The following MTAP variants were observed in gnomAD, a reference collection of about 807,000 sequenced individuals.
MTAP encodes methylthioadenosine phosphorylase.
MTAP carries 33 observed loss-of-function variants against 33.6 expected under a neutral mutation model. That is an observed-to-expected ratio of 0.98 (90% CI 0.74 to 1.31). MTAP has a LOEUF of 1.31. MTAP is among the 40% of genes most tolerant of loss of function. MTAP has a pLI of 0.00. For missense variants in MTAP, 367 were observed against 360.0 expected, an observed-to-expected ratio of 1.02 and a Z score of -0.16; for synonymous variants, 148 against 125.7, an observed-to-expected ratio of 1.18 and a Z score of -1.19.
chr9:21,911,677 G>A (rs575512255), intron 1 of MTAP, among the ~76,000 whole-genome samples: 15 of 152,158 alleles, frequency 9.9e-5, no homozygotes, highest in African/African-American at 3.4e-4. Flanking sequence ...AGAGAAAGCA[G>A]GAAAGATCTA....
chr9:21,909,780 T>C (rs1818539853), intron 1 of MTAP, among the ~76,000 whole-genome samples: 1 of 152,196 alleles, frequency 6.6e-6, no homozygotes, highest in African/African-American at 2.4e-5. Context: ...GTGTTAACTA[T>C]TTTTATTCTC....
chr9:21,855,879 T>C lies in MTAP; in HGVS notation c.690+1009T>C, dbSNP rs911921634. On this transcript the variant is annotated intron_variant, in intron 6 of 7. Coordinates refer to ENST00000644715, the MANE Select transcript of MTAP (RefSeq NM_002451.4). ...AAGTAAATATTTTCCTAAAAGGTCT[T>C]TTTAAAATTAAGTTATAACCATGCC... Among the ~76,000 whole-genome samples, 3 of 152,176 alleles carry C rather than the reference T, an allele frequency of 2.0e-5. No homozygotes were observed. The East Asian group carries it at 5.8e-4, about 29-fold the overall frequency.
At chr9:21,859,213 G>T (rs949965966) in intron 6 of MTAP, 90 bp from the exon 7 acceptor site, 2 of 1,509,180 alleles carry the variant, frequency 1.3e-6, no homozygotes, top group African/African-American at 2.8e-5. Context: ...AAACATTTAG[G>T]CTGTAGCAAG....
chr9:21,829,527 C>A (rs1165534748), intron 4 of MTAP, among the ~76,000 whole-genome samples: 1 of 151,600 alleles, frequency 6.6e-6, no homozygotes, highest in Non-Finnish European at 1.5e-5. Context: ...CTGTGCCTGG[C>A]CAGGCTCCTT....
In MTAP at chr9:21,845,053, A is replaced by G. The variant is rs189100481; in HGVS notation, c.450+7043A>G. On this transcript the variant is annotated intron_variant, in intron 5 of 7. Coordinates refer to ENST00000644715, the MANE Select transcript of MTAP (RefSeq NM_002451.4). The stretch of plus-strand genomic sequence containing the variant: ...CTCAAAAAAAAAAAAAAAGCCATCT[A>G]TGACAAACCCACAGCCAGTGTTATA... Among the ~76,000 whole-genome samples, 878 of 150,274 alleles carry G rather than the reference A, an allele frequency of 5.8e-3. 19 individuals carry two copies. Among genetic ancestry groups the G allele is most frequent in the East Asian group, 0.052 (266 of 5,118 alleles).
Position 21,802,860 on chromosome 9 carries a change from G to C in MTAP, c.33+79G>C, listed in dbSNP as rs764256007. Reference sequence around the variant, plus strand: ...CCCCGCGCCGGGGGACCGCGCCTCCGGGGGCCATGCGCCCGGCCCGTGCGT... The same window carrying C: ...CCCCGCGCCGGGGGACCGCGCCTCCCGGGGCCATGCGCCCGGCCCGTGCGT... On this transcript the variant is annotated intron_variant, in intron 1 of 7. Coordinates refer to ENST00000644715, the MANE Select transcript of MTAP (RefSeq NM_002451.4). 4.3e-5 allele frequency: 68 copies of C among 1,577,318 alleles called. No homozygotes were observed. The African/African-American group carries it at 7.2e-4, about 17-fold the overall frequency.
chr9:21,806,292 T>C (rs762820647), intron 1 of MTAP, among the ~76,000 whole-genome samples: 1 of 151,580 alleles, frequency 6.6e-6, no homozygotes, highest in African/African-American at 2.4e-5. Context: ...AACACAGAGA[T>C]GGATAAGATG....
chr9:21,934,252 G>C (rs750644975), downstream of MTAP: 2 of 152,230 alleles, frequency 1.3e-5, no homozygotes, highest in African/African-American at 4.8e-5. The surrounding 1 kb of genome is among the most constrained non-coding windows in gnomAD (Gnocchi z 5.0). Flanking sequence ...AATTGGCCAA[G>C]ACTCGGCTAT....
intron 1 of MTAP, among the ~76,000 whole-genome samples, chr9:21,886,974 G>T (rs1818121955): frequency 6.6e-6 from 1 of 152,108 alleles, no homozygotes; most frequent in Non-Finnish European, 1.5e-5. Flanking sequence ...GTTCTGTGAA[G>T]AATGATGGTG....
chr9:21,904,785 A>G (rs1316613548), intron 1 of MTAP, among the ~76,000 whole-genome samples: 1 of 152,244 alleles, frequency 6.6e-6, no homozygotes, highest in Admixed American at 6.5e-5. Context: ...TAAAGTCAAC[A>G]TAATTTGTCC....
chr9:21,914,486 A>G (rs1003802680), intron 1 of MTAP, among the ~76,000 whole-genome samples: 2 of 152,172 alleles, frequency 1.3e-5, no homozygotes, highest in Non-Finnish European at 2.9e-5. Context: ...TTGTAGGGAC[A>G]TGGATGAAGC....
chr9:21,902,611 T>C lies in MTAP; in HGVS notation c.148-28397T>C, dbSNP rs540713845. ...GATTACAAATTGTTACTTGTTCCCT[T>C]ATGAACTTTCTGACCTAAGTATTCT... On this transcript the variant is annotated intron_variant, in intron 1 of 1. Transcript: ENST00000577563. Among the ~76,000 whole-genome samples, 6 of 152,348 alleles carry C rather than the reference T, an allele frequency of 3.9e-5. No homozygotes were observed. In the South Asian group the frequency reaches 1.0e-3, roughly 26 times the overall value.
chr9:21,823,269 G>A (rs1824695318), intron 4 of MTAP, among the ~76,000 whole-genome samples: 1 of 152,200 alleles, frequency 6.6e-6, no homozygotes, highest in African/African-American at 2.4e-5. Flanking sequence ...GCTGGTACCA[G>A]TTGTTCCTTT....
chr9:21,917,064 TAAAG>T (rs1818704516), intron 1 of MTAP, among the ~76,000 whole-genome samples: 1 of 145,594 alleles, frequency 6.9e-6, no homozygotes, highest in Admixed American at 6.7e-5. Context: ...GAGGGAATAA[TAAAG>T]GAACCAAGAA....
chr9:21,861,676 A>G lies in MTAP; in HGVS notation c.814-300A>G, dbSNP rs1825756261. 16 of 394,694 alleles carry G rather than the reference A, an allele frequency of 4.1e-5. No individual in the cohort carries two copies. In the South Asian group the frequency reaches 4.6e-4, roughly 11 times the overall value. 24.4% of individuals were successfully genotyped at this position (394,694 alleles called of 1,614,324 possible). On this transcript the variant is annotated intron_variant, in intron 7 of 7. Coordinates refer to ENST00000644715, the MANE Select transcript of MTAP (RefSeq NM_002451.4). The stretch of plus-strand genomic sequence containing the variant: ...GGTAAGGATAAGGGATAGAGGTTGC[A>G]TAAACAATAATCCAGGCTGGGGGCT...
intron 1 of MTAP, among the ~76,000 whole-genome samples, chr9:21,904,555 C>A (rs2118821224): frequency 6.6e-6 from 1 of 152,280 alleles, no homozygotes; most frequent in East Asian, 1.9e-4. Flanking sequence ...CACTTTCTAC[C>A]ACCAATCCAG....
chr9:21,883,681 T>A (rs1818054392), intron 1 of MTAP, among the ~76,000 whole-genome samples: 3 of 150,774 alleles, frequency 2.0e-5, no homozygotes, highest in African/African-American at 7.3e-5. Flanking sequence ...GTTTGGCCAC[T>A]AGATAGCAAA....
chr9:21,852,853 C>G (rs4454372), intron 5 of MTAP, among the ~76,000 whole-genome samples: 1 of 151,872 alleles, frequency 6.6e-6, no homozygotes, highest in Non-Finnish European at 1.5e-5. Context: ...ATATGAAAGT[C>G]CTGACATTAA....
At chr9:21,868,047 T>C (rs1825881677), downstream of MTAP, among the ~76,000 whole-genome samples, 1 of 152,170 alleles carries the variant, frequency 6.6e-6, no homozygotes, top group Admixed American at 6.5e-5. Flanking sequence ...ATAGATAGGA[T>C]GTTTATACTT....
Sources: allele counts gnomAD v4.1 joint callset (sites outside exome capture counted in the v4.1 genomes callset), GRCh38; gene constraint gnomAD v4.1.1; non-coding constraint Gnocchi (gnomAD v3.1); transcripts MANE v1.5; gene names NCBI Gene and HGNC (gene_info 2026-07-23, HGNC 2026-07-21).